TMEM108: variants seen among roughly 807,000 people sequenced by gnomAD.
TMEM108 encodes transmembrane protein 108.
In TMEM108, 12 loss-of-function variants were observed where a neutral mutation model predicts 35.1. The observed-to-expected ratio is 0.34, with a 90% CI of 0.22 to 0.55. The LOEUF (loss-of-function observed/expected upper bound fraction) is 0.55, where lower values mean the gene tolerates loss of function less well. Ranked by LOEUF, TMEM108 falls within the 20% of genes least tolerant of loss-of-function variation. TMEM108 has a pLI of 0.89. For synonymous variants in TMEM108, 287 were observed against 308.6 expected (o/e 0.93, Z 0.73); for missense variants, 680 against 753.3 (o/e 0.90, Z 1.14).
chr3:133,347,827 AAAACTT>A (rs1450492533), intron 3 of TMEM108, among the ~76,000 whole-genome samples: 1 of 152,112 alleles, frequency 6.6e-6, no homozygotes, highest in East Asian at 1.9e-4. Flanking sequence ...TTGCAACAGA[AAAACTT>A]AATATTTAAC....
intron 3 of TMEM108, among the ~76,000 whole-genome samples, chr3:133,315,658 A>G (rs1576451306): frequency 6.6e-6 from 1 of 152,228 alleles, no homozygotes; most frequent in African/African-American, 2.4e-5. Context: ...ACCAAACCCA[A>G]CAGCCACAGT....
intron 3 of TMEM108, among the ~76,000 whole-genome samples, chr3:133,235,460 C>G (rs1050290486): frequency 1.4e-4 from 22 of 152,254 alleles, no homozygotes; most frequent in Non-Finnish European, 3.2e-4. Context: ...ATATCTACAA[C>G]TATCTGATCT....
At chr3:133,288,425 A>G (rs542707296) in intron 3 of TMEM108, among the ~76,000 whole-genome samples, 2 of 152,354 alleles carry the variant, frequency 1.3e-5, no homozygotes, top group East Asian at 3.9e-4. Context: ...GTTTATATGT[A>G]TTCTTTAAAT....
intron 3 of TMEM108, among the ~76,000 whole-genome samples, chr3:133,286,034 CAACT>C (rs1467099179): frequency 7.9e-5 from 12 of 152,342 alleles, no homozygotes; most frequent in African/African-American, 2.9e-4. Flanking sequence ...AAGACTTTCA[CAACT>C]ACCTCATCAT....
At chr3:133,219,426 G>T (rs1330102830) in intron 2 of TMEM108, among the ~76,000 whole-genome samples, 2 of 148,904 alleles carry the variant, frequency 1.3e-5, no homozygotes, top group Non-Finnish European at 3.0e-5. Context: ...TTTTGTTGAT[G>T]TATGATGTTA....
chr3:133,333,639 G>A (rs767002483), intron 3 of TMEM108, among the ~76,000 whole-genome samples: 4 of 152,180 alleles, frequency 2.6e-5, no homozygotes, highest in African/African-American at 7.2e-5. Context: ...AACCTTTGAC[G>A]TGGCATAAAA....
intron 2 of TMEM108, among the ~76,000 whole-genome samples, chr3:133,168,618 C>T (rs1945080153): frequency 6.6e-6 from 1 of 152,132 alleles, no homozygotes; most frequent in African/African-American, 2.4e-5. Flanking sequence ...GTAAAACAGA[C>T]CAATCAGCTC....
chr3:133,329,699 T>G lies in TMEM108; in HGVS notation c.41-50053T>G, dbSNP rs182330833. Among the ~76,000 whole-genome samples, 343 of 152,224 alleles carry G rather than the reference T, an allele frequency of 2.3e-3. 2 individuals are homozygous for G. Among genetic ancestry groups the G allele is most frequent in the African/African-American group, 8.0e-3 (334 of 41,514 alleles). The stretch of plus-strand genomic sequence containing the variant: ...AAGGCAAAGAAAAAGTTTCAACAAT[T>G]CTTATCATAGCCTGCAGGCACACAA... On this transcript the variant is annotated intron_variant, in intron 3 of 5. Coordinates refer to ENST00000321871, the MANE Select transcript of TMEM108 (RefSeq NM_023943.4).
At chr3:133,293,013 A>C (rs1947094994) in intron 3 of TMEM108, among the ~76,000 whole-genome samples, 1 of 152,210 alleles carries the variant, frequency 6.6e-6, no homozygotes, top group Non-Finnish European at 1.5e-5. Context: ...TTTGAGAGAA[A>C]AGAGTAACAT....
chr3:133,322,987 G>A (rs1465255389), intron 3 of TMEM108, among the ~76,000 whole-genome samples: 3 of 152,028 alleles, frequency 2.0e-5, no homozygotes. Context: ...CCTCAGTGAA[G>A]TCAGCATAGA....
chr3:133,370,099 T>C (rs773986813), intron 3 of TMEM108, among the ~76,000 whole-genome samples: 3 of 151,974 alleles, frequency 2.0e-5, no homozygotes, highest in Non-Finnish European at 4.4e-5. Flanking sequence ...CAGTTAGTAA[T>C]ATGGATACAT....
At chr3:133,276,875 G>A (rs1946845227) in intron 3 of TMEM108, among the ~76,000 whole-genome samples, 1 of 152,184 alleles carries the variant, frequency 6.6e-6, no homozygotes, top group African/African-American at 2.4e-5. Flanking sequence ...CCAAGATGGG[G>A]CTTTATGTGT....
chr3:133,074,513 G>A (rs902615553), intron 2 of TMEM108, among the ~76,000 whole-genome samples: 7 of 151,908 alleles, frequency 4.6e-5, no homozygotes, highest in Admixed American at 6.6e-5. Context: ...TTTTTGAGAC[G>A]AAGTCTTGCT....
intron 3 of TMEM108, among the ~76,000 whole-genome samples, chr3:133,263,799 A>C (rs1576420136): frequency 6.6e-6 from 1 of 152,232 alleles, no homozygotes; most frequent in African/African-American, 2.4e-5. Context: ...TGAGAGGACA[A>C]GGGATAGGAG....
intron 2 of TMEM108, among the ~76,000 whole-genome samples, chr3:133,059,414 C>T (rs1459251780): frequency 6.6e-6 from 1 of 152,170 alleles, no homozygotes; most frequent in Admixed American, 6.5e-5. Context: ...CCAAAGCAGT[C>T]TGCCTAAGAT....
intron 2 of TMEM108, among the ~76,000 whole-genome samples, chr3:133,171,213 A>G (rs1436233830): frequency 1.3e-5 from 2 of 152,182 alleles, no homozygotes; most frequent in Admixed American, 6.5e-5. Flanking sequence ...GAAGTTAGCA[A>G]AGCTTTAGTA....
At chr3:133,162,810 T>C (rs1944980193) in intron 2 of TMEM108, among the ~76,000 whole-genome samples, 1 of 152,244 alleles carries the variant, frequency 6.6e-6, no homozygotes, top group East Asian at 1.9e-4. Flanking sequence ...ATCCCAGTTA[T>C]ATAATAGCTG....
intron 2 of TMEM108, among the ~76,000 whole-genome samples, chr3:133,210,875 G>T (rs1945826051): frequency 6.6e-6 from 1 of 152,120 alleles, no homozygotes; most frequent in Non-Finnish European, 1.5e-5. Context: ...TCAACAGACT[G>T]CCTGCCAACC....
chr3:133,313,229 T>C (rs964254301), intron 3 of TMEM108, among the ~76,000 whole-genome samples: 3 of 151,428 alleles, frequency 2.0e-5, no homozygotes, highest in Admixed American at 6.6e-5. Context: ...ATGGAGTCTC[T>C]CTCTGTCACC....
Sources: gnomAD v4.1 joint callset for allele counts (sites outside exome capture counted in the v4.1 genomes callset) on GRCh38, gnomAD v4.1.1 for gene constraint, MANE v1.5 for transcripts, NCBI Gene and HGNC (gene_info 2026-07-23, HGNC 2026-07-21) for gene names.